The following IMPG1 variants were observed in gnomAD, a reference collection of about 807,000 sequenced individuals.
IMPG1 encodes the protein interphotoreceptor matrix proteoglycan of 150 kDa.
A neutral mutation model predicts 92.0 loss-of-function variants in IMPG1; 85 were observed. The observed-to-expected ratio is 0.92, with a 90% CI of 0.78 to 1.11. The LOEUF is 1.11. Among genes scored for constraint, IMPG1 ranks in the 50% least tolerant of loss-of-function variants. IMPG1 has a pLI of 0.00. For missense variants in IMPG1, 1,022 were observed against 956.0 expected, an observed-to-expected ratio of 1.07 and a Z score of -0.91; for synonymous variants, 367 against 334.1, an observed-to-expected ratio of 1.10 and a Z score of -1.08.
At chr6:76,040,565 C>T (rs1783817880) in intron 2 of IMPG1, among the ~76,000 whole-genome samples, 1 of 152,150 alleles carries the variant, frequency 6.6e-6, no homozygotes. Flanking sequence ...TTGGCTAGTA[C>T]CTGCTCTGTG....
At chr6:76,003,848 A>G (rs901670889) in intron 11 of IMPG1, 26 bp downstream of exon 11, 7 of 1,560,158 alleles carry the variant, frequency 4.5e-6, no homozygotes, top group Non-Finnish European at 6.2e-6. Context: ...GTTCCTAGTT[A>G]AAGAACAAAA....
chr6:76,036,877 A>G (rs1338116419), intron 2 of IMPG1, among the ~76,000 whole-genome samples: 1 of 152,318 alleles, frequency 6.6e-6, no homozygotes, highest in African/African-American at 2.4e-5. Flanking sequence ...ACCAAAAATT[A>G]CATCCTATTT....
intron 4 of IMPG1, among the ~76,000 whole-genome samples, chr6:76,028,266 A>G (rs572074171): frequency 1.3e-5 from 2 of 152,328 alleles, no homozygotes; most frequent in East Asian, 3.9e-4. Context: ...CATCCTTTTC[A>G]AAAGATAGTT....
At position 76,046,285 on chromosome 6, in the gene IMPG1, TTAAA is replaced by T. The variant is rs773963087; in HGVS notation, c.68-4163_68-4160del. ...GTAAAATAATATTAGAACAGTTTAA[TTAAA>T]TAAATTATGAATTAAGAAAAAAATA... On this transcript the variant is annotated intron_variant, in intron 1 of 16. Coordinates refer to ENST00000369950, the MANE Select transcript of IMPG1 (RefSeq NM_001563.4). Among the ~76,000 whole-genome samples, 8 of 150,216 alleles carry T rather than the reference TTAAA, an allele frequency of 5.3e-5. No homozygotes were observed. The East Asian group carries it at 1.4e-3, about 27-fold the overall frequency.
At chr6:75,944,921 T>C (rs957841120) in intron 14 of IMPG1, among the ~76,000 whole-genome samples, 12 of 143,414 alleles carry the variant, frequency 8.4e-5, no homozygotes, top group African/African-American at 2.5e-4. Context: ...CCTACTTTTT[T>C]CCACCACTAA....
At chr6:76,040,768 G>A (rs963426970) in intron 2 of IMPG1, among the ~76,000 whole-genome samples, 3 of 152,206 alleles carry the variant, frequency 2.0e-5, no homozygotes, top group Admixed American at 1.3e-4. Context: ...TTTTGAAACT[G>A]TTAGTTAATT....
intron 3 of IMPG1, 44 bp from the exon 4 acceptor site, chr6:76,034,387 T>G: frequency 4.5e-6 from 7 of 1,559,032 alleles, no homozygotes; most frequent in Non-Finnish European, 6.2e-6. Context: ...CAGGAGATAA[T>G]GCCAACCGAA....
chr6:76,001,171 G>A (rs1294256622), intron 12 of IMPG1, among the ~76,000 whole-genome samples: 1 of 152,138 alleles, frequency 6.6e-6, no homozygotes, highest in Non-Finnish European at 1.5e-5. Context: ...AGGCAATTTG[G>A]AAATAAGATA....
chr6:76,034,342 C>G lies in IMPG1; in HGVS notation c.470G>C (p.Arg157Thr), dbSNP rs754635718. The change falls in exon 4 of 17, where the codon AGA becomes ACA. Residue 157 changes from arginine (R) to threonine (T), a missense_variant and splice_region_variant. Physicochemically the swap from Arg to Thr is moderately conservative, Grantham distance 71. Around this residue, in one of 3 missense-constraint regions of IMPG1, gnomAD observed 681 missense variants for 583.6 expected, o/e 1.17. Transcript: ENST00000369950. ...SQEHLDLLQQ[R>T]IKQRSFPDRK... ...GTCAGGGAAACTTCTCTGTTTTATT[C>G]TCTGCAAAAAGATAAAGATAAAATG... The G allele has an allele frequency of 4.3e-6, 7 of 1,612,722 alleles. No individual in the cohort carries two copies. The South Asian group carries it at 7.7e-5, about 18-fold the overall frequency.
chr6:76,007,440 C>T (rs3736925), intron 9 of IMPG1, 40 bp downstream of exon 9: 143,806 of 1,473,946 alleles, frequency 0.098, 7,610 homozygotes, highest in South Asian at 0.12. Context: ...TTGGGGGAGA[C>T]GGGAATGTAC....
chr6:76,021,937 T>C (rs1408995992), intron 6 of IMPG1, among the ~76,000 whole-genome samples, 179 bp downstream of exon 6: 1 of 151,358 alleles, frequency 6.6e-6, no homozygotes, highest in African/African-American at 2.4e-5. Context: ...GCTTCCCCCC[T>C]CAGTACCTAG....
chr6:75,958,403 C>G (rs779919812), intron 12 of IMPG1, among the ~76,000 whole-genome samples: 1 of 152,098 alleles, frequency 6.6e-6, no homozygotes, highest in Non-Finnish European at 1.5e-5. Context: ...GTGGTGTTCT[C>G]TATATTTTCT....
intron 12 of IMPG1, among the ~76,000 whole-genome samples, chr6:75,976,545 A>G (rs1196055382): frequency 6.8e-6 from 1 of 146,860 alleles, no homozygotes; most frequent in African/African-American, 2.5e-5. Flanking sequence ...TGGGCGACAG[A>G]GCGAGACTCT....
chr6:75,999,351 A>G (rs1489979783), intron 12 of IMPG1, among the ~76,000 whole-genome samples: 1 of 152,184 alleles, frequency 6.6e-6, no homozygotes, highest in Non-Finnish European at 1.5e-5. Flanking sequence ...AAGCTGAAAG[A>G]TTTCTTTGAG....
At chr6:76,070,889 G>T (rs1784394093) in intron 1 of IMPG1, among the ~76,000 whole-genome samples, 1 of 151,876 alleles carries the variant, frequency 6.6e-6, no homozygotes, top group African/African-American at 2.4e-5. Context: ...TTCAGGTGAT[G>T]GTTACACTAA....
rs150486366 is a variant in IMPG1 at position 75,930,978 on chromosome 6, G to A, written c.2218C>T (p.Leu740Phe). 1,832 of 1,614,212 alleles carry A rather than the reference G, an allele frequency of 1.1e-3. No homozygotes were observed. The highest frequency in any genetic ancestry group is 1.5e-3 in the Non-Finnish European group (1,776 of 1,180,028). The change falls in exon 15 of 17, where the codon CTC (leucine) becomes TTC (phenylalanine). Residue 740 changes from leucine to phenylalanine, a missense_variant. Physicochemically the swap from Leu to Phe is conservative, Grantham distance 22. This residue lies in a region of IMPG1 where 332 missense variants were observed against 346.2 expected (regional missense o/e 0.96). Transcript: ENST00000369950. ...CTGCATGGAGCTCCCTTTCCCTGGA[G>A]GACCTCGCATTCCTTTGTGCCAGGG... ...CGPGTKECEV[L>F]QGKGAPCRLP...
chr6:76,034,270 T>A, intron 4 of IMPG1, 45 bp downstream of exon 4: 1 of 1,585,718 alleles, frequency 6.3e-7, no homozygotes, highest in South Asian at 1.1e-5. Flanking sequence ...ATGATCTTTT[T>A]AAATTCAAAA....
At chr6:75,930,894 T>G in intron 15 of IMPG1, 59 bp downstream of exon 15, 1 of 1,428,618 alleles carries the variant, frequency 7.0e-7, no homozygotes, top group Non-Finnish European at 9.8e-7. Flanking sequence ...TAATGATGGG[T>G]TTCTCAGAAG....
intron 1 of IMPG1, among the ~76,000 whole-genome samples, chr6:76,065,892 C>T (rs1784300937): frequency 1.3e-5 from 2 of 152,010 alleles, no homozygotes; most frequent in Non-Finnish European, 2.9e-5. Context: ...CAGCAGAAAC[C>T]TTAAAAACAG....
Sources: gnomAD v4.1 joint callset for allele counts (sites outside exome capture counted in the v4.1 genomes callset) on GRCh38, gnomAD v4.1.1 for gene constraint, gnomAD v4.1.1 regional missense constraint, MANE v1.5 for transcripts, NCBI Gene and HGNC (gene_info 2026-07-23, HGNC 2026-07-21) for gene names.